The following SCARB1 variants were observed in gnomAD, a reference collection of about 807,000 sequenced individuals.
SCARB1 encodes CD36 and LIMPII analogous 1.
In SCARB1, 30 loss-of-function variants were observed where a neutral mutation model predicts 57.2. The observed-to-expected ratio is 0.52, with a 90% confidence interval of 0.39 to 0.71. The LOEUF (loss-of-function observed/expected upper bound fraction) is 0.71. Among genes scored for constraint, SCARB1 ranks in the 30% least tolerant of loss-of-function variants. SCARB1 has a pLI of 0.00. For missense variants in SCARB1, 543 were observed against 671.2 expected (o/e 0.81, Z 2.11); for synonymous variants, 249 against 268.3 (o/e 0.93, Z 0.70).
intron 1 of SCARB1, among the ~76,000 whole-genome samples, chr12:124,856,181 T>C (rs1268898201): frequency 1.3e-5 from 2 of 152,162 alleles, no homozygotes; most frequent in Non-Finnish European, 2.9e-5. Context: ...TGCAGACACA[T>C]CAACACACAA....
intron 1 of SCARB1, among the ~76,000 whole-genome samples, chr12:124,838,176 C>T (rs1482234664): frequency 1.3e-5 from 2 of 152,202 alleles, no homozygotes. Context: ...CAGCCTAGAC[C>T]ACACAGAAAT....
rs553333192 is a variant in SCARB1 at position 124,792,360 on chromosome 12, G to A, written c.1202+2835C>T. Among the ~76,000 whole-genome samples the A allele has an allele frequency of 6.2e-4, 95 of 152,204 alleles. 1 individual carries two copies. The highest frequency in any genetic ancestry group is 2.2e-3 in the African/African-American group (91 of 41,474). ...AGTCCACAGGGAGGTCAGCAGCTGT[G>A]CGGCCCAGAGAGGTTGGGTGACCGG... On this transcript the variant is annotated intron_variant, in intron 9 of 12. Coordinates refer to ENST00000261693, the MANE Select transcript of SCARB1 (RefSeq NM_005505.5).
intron 1 of SCARB1, among the ~76,000 whole-genome samples, chr12:124,851,734 G>A (rs1312758833): frequency 6.6e-6 from 1 of 150,750 alleles, no homozygotes; most frequent in Non-Finnish European, 1.5e-5. Context: ...AGCCTTCCAA[G>A]TAGCTGGGAC....
At chr12:124,844,817 CTTT>C (rs771987604) in intron 1 of SCARB1, among the ~76,000 whole-genome samples, 2 of 140,986 alleles carry the variant, frequency 1.4e-5, no homozygotes, top group Admixed American at 7.3e-5. Context: ...TTCTTTCTTT[CTTT>C]TTTTTTTTTT....
At chr12:124,848,527 C>G (rs1007113085) in intron 1 of SCARB1, among the ~76,000 whole-genome samples, 11 of 152,320 alleles carry the variant, frequency 7.2e-5, no homozygotes, top group African/African-American at 2.4e-4. Flanking sequence ...AGAAGGACGT[C>G]CTTGTCCTTA....
intron 11 of SCARB1, chr12:124,785,788 C>T (rs1594184226): frequency 4.6e-6 from 2 of 432,114 alleles, no homozygotes; most frequent in African/African-American, 2.0e-5. Context: ...AAATTAATTC[C>T]ACCTGTTTCC....
chr12:124,852,016 T>A (rs907950300), intron 1 of SCARB1, among the ~76,000 whole-genome samples: 4 of 151,998 alleles, frequency 2.6e-5, no homozygotes, highest in Admixed American at 2.6e-4. Flanking sequence ...CCCAGCCCCA[T>A]CCAAGACACC....
At chr12:124,806,983 G>A (rs1361798479) in intron 7 of SCARB1, among the ~76,000 whole-genome samples, 5 of 152,044 alleles carry the variant, frequency 3.3e-5, no homozygotes, top group African/African-American at 1.2e-4. Context: ...CAGATCACTT[G>A]AGGTCAGGAG....
At chr12:124,851,611 T>C (rs1299575681) in intron 1 of SCARB1, among the ~76,000 whole-genome samples, 1 of 147,964 alleles carries the variant, frequency 6.8e-6, no homozygotes, top group Non-Finnish European at 1.5e-5. Context: ...GGATTCCATT[T>C]TTTTTTTTTT....
chr12:124,851,522 A>C (rs1952399678), intron 1 of SCARB1, among the ~76,000 whole-genome samples: 2 of 152,048 alleles, frequency 1.3e-5, no homozygotes, highest in Non-Finnish European at 2.9e-5. Flanking sequence ...GCACGGAGCA[A>C]AATCACAAGC....
At chr12:124,816,101 G>A (rs538598490) in intron 2 of SCARB1, among the ~76,000 whole-genome samples, 106 of 152,152 alleles carry the variant, frequency 7.0e-4, no homozygotes, top group Non-Finnish European at 1.4e-3. Context: ...CCACCATGCG[G>A]GTCCAGTGAG....
intron 1 of SCARB1, among the ~76,000 whole-genome samples, chr12:124,824,773 G>T (rs1308460132): frequency 2.0e-5 from 3 of 152,194 alleles, no homozygotes; most frequent in African/African-American, 7.2e-5. Flanking sequence ...ATGGTGCAGA[G>T]CACCAGCTTC....
intron 12 of SCARB1, among the ~76,000 whole-genome samples, chr12:124,782,183 C>T (rs1949342278): frequency 6.6e-6 from 1 of 152,218 alleles, no homozygotes; most frequent in Non-Finnish European, 1.5e-5. Context: ...TGCTGGATTA[C>T]AGGTGTGAGC....
At chr12:124,826,738 G>A (rs1951177790) in intron 1 of SCARB1, among the ~76,000 whole-genome samples, 1 of 152,028 alleles carries the variant, frequency 6.6e-6, no homozygotes, top group Admixed American at 6.6e-5. Context: ...GGGATTATAG[G>A]TGTCAGCCAC....
In SCARB1 at chr12:124,810,300, G is replaced by A; in HGVS notation, c.727-11C>T. 1.3e-6 allele frequency: 2 copies of A among 1,593,724 alleles called. No homozygotes were observed. Among genetic ancestry groups the A allele is most frequent in the East Asian group, 2.2e-5 (1 of 44,786 alleles). The stretch of plus-strand genomic sequence containing the variant: ...ATGCCAGAAGTCAACCTGGGGGGAA[G>A]CATCCAGACTAGACCCCTCAGTAGG... On this transcript the variant is annotated splice_polypyrimidine_tract_variant and intron_variant, in intron 5 of 12. Coordinates refer to ENST00000261693, the MANE Select transcript of SCARB1 (RefSeq NM_005505.5). The surrounding 1 kb of genome is among the most constrained non-coding windows in gnomAD (Gnocchi z 4.0).
At chr12:124,830,918 T>C (rs1480775031) in intron 1 of SCARB1, among the ~76,000 whole-genome samples, 6 of 151,814 alleles carry the variant, frequency 4.0e-5, no homozygotes, top group Non-Finnish European at 8.8e-5. Context: ...GTTCAAGCAA[T>C]TCTCCTGCCT....
chr12:124,858,804 G>A (rs976016508), intron 1 of SCARB1, among the ~76,000 whole-genome samples: 32 of 151,832 alleles, frequency 2.1e-4, no homozygotes, highest in Admixed American at 1.4e-3. Context: ...GCGTGAACCC[G>A]GAAGGTGGAG....
chr12:124,834,323 A>G (rs1951539738), intron 1 of SCARB1, among the ~76,000 whole-genome samples: 1 of 152,354 alleles, frequency 6.6e-6, no homozygotes, highest in Admixed American at 6.5e-5. Context: ...GACCAGAAAC[A>G]GACGTCACCG....
rs912440556 is a variant in SCARB1 at position 124,814,065 on chromosome 12, G to A, written c.630+137C>T. 3.4e-5 allele frequency: 28 copies of A among 829,690 alleles called. No homozygotes were observed. The highest frequency in any genetic ancestry group is 2.7e-4 in the Admixed American group (15 of 56,476). 51.4% of individuals were successfully genotyped at this position (829,690 alleles called of 1,614,324 possible). A position where few individuals can be genotyped will look rare whatever the true frequency, so the allele number is the denominator to read the frequency against. The stretch of plus-strand genomic sequence containing the variant: ...TTTCACTCAAGCCGGTTTGAGTCAG[G>A]TTCTCAGTCACTTACAACCCACAGC... On this transcript the variant is annotated intron_variant, in intron 4 of 12. Transcript: ENST00000261693. This position sits in a 1 kb window ranked among gnomAD's most constrained non-coding sequence, Gnocchi z 4.7.
Sources: gnomAD v4.1 joint callset for allele counts (sites outside exome capture counted in the v4.1 genomes callset) on GRCh38, gnomAD v4.1.1 for gene constraint, Gnocchi (gnomAD v3.1) non-coding constraint, MANE v1.5 for transcripts, NCBI Gene and HGNC (gene_info 2026-07-23, HGNC 2026-07-21) for gene names.